JMJD1C: variants seen among roughly 807,000 people sequenced by gnomAD.
The protein encoded by JMJD1C is jumonji domain-containing protein 1C.
JMJD1C carries 31 observed loss-of-function variants against 245.3 expected under a neutral mutation model. That is an observed-to-expected ratio of 0.13 (90% CI 0.09 to 0.17). The LOEUF is 0.17. JMJD1C is among the 10% of genes least tolerant of loss of function. The pLI is 1.00. For missense variants in JMJD1C, 2,691 were observed against 3,000.2 expected (o/e 0.90, Z 2.41); for synonymous variants, 1,057 against 1,017.4 (o/e 1.04, Z -0.74).
At chr10:63,429,783 A>G (rs1471741766) in intron 1 of JMJD1C, among the ~76,000 whole-genome samples, 1 of 152,206 alleles carries the variant, frequency 6.6e-6, no homozygotes, top group Non-Finnish European at 1.5e-5. Context: ...ATTACTACAA[A>G]TAAGAAGGTT....
Position 63,339,164 on chromosome 10 carries a change from G to A in JMJD1C, c.333+41154C>T, listed in dbSNP as rs552525284. Among the ~76,000 whole-genome samples, 281 of 152,278 alleles carry A rather than the reference G, an allele frequency of 1.8e-3. 1 individual carries two copies. Among genetic ancestry groups the A allele is most frequent in the Admixed American group, 7.3e-3 (111 of 15,278 alleles). ...TAGCCAGCCCAACAGGGAGAAGATG[G>A]TACTGTATACACCAATGTAAAGGAG... is the stretch of plus-strand genomic sequence containing the variant. On this transcript the variant is annotated intron_variant, in intron 2 of 25. Coordinates refer to ENST00000399262, the MANE Select transcript of JMJD1C (RefSeq NM_032776.3).
At chr10:63,271,747 T>C (rs1298405667) in intron 2 of JMJD1C, among the ~76,000 whole-genome samples, 2 of 152,124 alleles carry the variant, frequency 1.3e-5, no homozygotes, top group Admixed American at 6.6e-5. Context: ...GTTTTTTAAA[T>C]ACCACATACA....
intron 3 of JMJD1C, among the ~76,000 whole-genome samples, chr10:63,250,035 G>A (rs977409272): frequency 6.6e-6 from 1 of 151,766 alleles, no homozygotes; most frequent in South Asian, 2.1e-4. Context: ...TAAGAGACAG[G>A]GTTTCCCTCT....
chr10:63,294,449 CT>C (rs1859141900), intron 2 of JMJD1C, among the ~76,000 whole-genome samples: 2 of 151,984 alleles, frequency 1.3e-5, no homozygotes, highest in African/African-American at 4.8e-5. Flanking sequence ...CCACACCCAG[CT>C]AATTTTTGTA....
chr10:63,377,580 T>A (rs147837849), intron 2 of JMJD1C, among the ~76,000 whole-genome samples: 1 of 151,928 alleles, frequency 6.6e-6, no homozygotes, highest in African/African-American at 2.4e-5. Context: ...ACTAAAAATA[T>A]GAAAATTAGC....
In JMJD1C at chr10:63,516,235, A is replaced by G. The variant is rs1225258739; in HGVS notation, n.113+5503T>C. On this transcript the variant is annotated intron_variant and non_coding_transcript_variant, in intron 1 of 3. Transcript: ENST00000633035. ...TGGGTATGTTTCTGGACTTTGAGGG[A>G]AAAAAAAAAAAAAACCTGGGAACAG... 6.3e-4 allele frequency among the ~76,000 whole-genome samples: 17 copies of G among 26,962 alleles called. No homozygotes were observed. The South Asian group carries it at 9.1e-3, about 14-fold the overall frequency. The allele number at this position is 26,962 out of a possible 152,430, so 17.7% of individuals were successfully genotyped here. A position where few individuals can be genotyped will look rare whatever the true frequency, so the allele number is the denominator to read the frequency against.
Position 63,380,330 on chromosome 10 carries a change from C to T in JMJD1C, c.321G>A (p.Gln107=), listed in dbSNP as rs1458691432. Residue 107 remains glutamine (Q), a synonymous_variant, in exon 2 of 26, where the codon CAG becomes CAA. Coordinates refer to ENST00000399262, the MANE Select transcript of JMJD1C (RefSeq NM_032776.3). ...GAATAGATCTTACCAATGCAGGCCA[C>T]TGAATCTGTTTGCTCTTTGATCCCT... The part of the protein sequence containing the change: ...QTQGSKSKQI[Q]WPALTFKPLV... 2 of 1,613,962 alleles carry T rather than the reference C, an allele frequency of 1.2e-6. No individual in the cohort carries two copies. Among genetic ancestry groups the T allele is most frequent in the Non-Finnish European group, 1.7e-6 (2 of 1,179,920 alleles).
chr10:63,329,228 G>A (rs2134155877), intron 2 of JMJD1C, among the ~76,000 whole-genome samples: 1 of 151,482 alleles, frequency 6.6e-6, no homozygotes, highest in South Asian at 2.1e-4. Context: ...ACTGTAGTAA[G>A]CCATGATCGA....
intron 1 of JMJD1C, among the ~76,000 whole-genome samples, chr10:63,420,745 G>GC (rs1451010782): frequency 1.3e-5 from 2 of 148,820 alleles, no homozygotes; most frequent in African/African-American, 4.9e-5. Flanking sequence ...AGGAGGCTGG[G>GC]AAAGAAAGAA....
chr10:63,300,770 T>C (rs761626599), intron 2 of JMJD1C, among the ~76,000 whole-genome samples: 7 of 151,924 alleles, frequency 4.6e-5, no homozygotes, highest in Non-Finnish European at 8.8e-5. Context: ...CATGCACCTG[T>C]AGTCCCAGCT....
intron 13 of JMJD1C, chr10:63,194,754 A>G (rs1419730956): frequency 5.7e-6 from 1 of 175,570 alleles, no homozygotes; most frequent in East Asian, 1.4e-4. Flanking sequence ...CATCAGACTG[A>G]CACAGTTTGA....
At chr10:63,388,526 T>C (rs1947804502) in intron 1 of JMJD1C, among the ~76,000 whole-genome samples, 1 of 152,048 alleles carries the variant, frequency 6.6e-6, no homozygotes, top group Admixed American at 6.5e-5. Context: ...TCTATCATCA[T>C]GAAAACACAC....
intron 2 of JMJD1C, among the ~76,000 whole-genome samples, chr10:63,282,137 GT>G (rs1388446630): frequency 1.6e-4 from 24 of 152,214 alleles, no homozygotes; most frequent in African/African-American, 5.8e-4. Context: ...GCAAACATCT[GT>G]TTCTTGTGCA....
intron 1 of JMJD1C, among the ~76,000 whole-genome samples, chr10:63,512,748 A>T (rs2133288964): frequency 6.6e-6 from 1 of 152,070 alleles, no homozygotes. Flanking sequence ...CATTTGGGGG[A>T]ATTCTCAGTT....
chr10:63,243,535 T>A lies in JMJD1C; in HGVS notation c.447+21116A>T, dbSNP rs539584058. Among the ~76,000 whole-genome samples the A allele has an allele frequency of 7.0e-3, 1,066 of 152,018 alleles. 5 individuals are homozygous for A. Among genetic ancestry groups the A allele is most frequent in the Non-Finnish European group, 9.8e-3 (668 of 67,978 alleles). Reference sequence around the variant, plus strand: ...GAGCAAAATTCTGTCTCAAAAAAAATTTTTTTTCACTAATTTGTAAGCAAC... The same window carrying A: ...GAGCAAAATTCTGTCTCAAAAAAAAATTTTTTTCACTAATTTGTAAGCAAC... On this transcript the variant is annotated intron_variant, in intron 3 of 25. Transcript: ENST00000399262.
intron 2 of JMJD1C, among the ~76,000 whole-genome samples, chr10:63,288,008 G>A (rs764273297): frequency 6.6e-6 from 1 of 152,110 alleles, no homozygotes; most frequent in Admixed American, 6.6e-5. Flanking sequence ...GCCTCCCAAA[G>A]AGCTGCGATT....
chr10:63,312,130 G>A (rs913096950), intron 2 of JMJD1C, among the ~76,000 whole-genome samples: 27 of 124,270 alleles, frequency 2.2e-4, no homozygotes, highest in Middle Eastern at 6.8e-3. Context: ...TGTGTGAGAC[G>A]AAGTTTCGCT....
At chr10:63,511,925 T>C (rs1219119418) in intron 1 of JMJD1C, among the ~76,000 whole-genome samples, 2 of 152,156 alleles carry the variant, frequency 1.3e-5, no homozygotes. Context: ...TTCCCCTTCT[T>C]CTTTTTCAAT....
At chr10:63,316,525 G>A (rs1441868767) in intron 2 of JMJD1C, among the ~76,000 whole-genome samples, 4 of 152,020 alleles carry the variant, frequency 2.6e-5, no homozygotes, top group Non-Finnish European at 4.4e-5. Context: ...CCTGCTCACT[G>A]CAACTTCCGC....
Sources: allele counts gnomAD v4.1 joint callset (sites outside exome capture counted in the v4.1 genomes callset), GRCh38; gene constraint gnomAD v4.1.1; transcripts MANE v1.5; gene names NCBI Gene and HGNC (gene_info 2026-07-23, HGNC 2026-07-21).